The following TSPAN10 variants were observed in gnomAD, a reference collection of about 807,000 sequenced individuals.
TSPAN10 encodes the protein tetraspanin-10.
TSPAN10 carries 11 observed loss-of-function variants against 15.0 expected under a neutral mutation model. That is an observed-to-expected ratio of 0.73 (90% confidence interval 0.46 to 1.21). The LOEUF (loss-of-function observed/expected upper bound fraction) is 1.21. Among genes scored for constraint, TSPAN10 ranks in the 50% most tolerant of loss-of-function variants. The pLI, the probability that TSPAN10 is intolerant of heterozygous loss-of-function variation, is 0.00. For synonymous variants in TSPAN10, 241 were observed against 226.2 expected (o/e 1.07, Z -0.59); for missense variants, 486 against 470.6 (o/e 1.03, Z -0.30).
intron 2 of TSPAN10, chr17:81,647,659 C>T: frequency 3.1e-6 from 2 of 649,488 alleles, no homozygotes; most frequent in African/African-American, 3.6e-5. Flanking sequence ...CTAGTCAACA[C>T]AGCCACCACC....
At chr17:81,642,073 T>TG (rs1373732086), upstream of TSPAN10, among the ~76,000 whole-genome samples, 1 of 108,478 alleles carries the variant, frequency 9.2e-6, no homozygotes, top group Non-Finnish European at 1.7e-5. Flanking sequence ...GAAGTCCGCA[T>TG]GGGGGGCTGC....
chr17:81,645,426 C>T lies in TSPAN10; in HGVS notation c.471C>T (p.Ile157=). Reference sequence around the variant, plus strand: ...TGTTACGTGGCTTCTCTGGGGGCATCCTTGCCTTCCTGGTGCTTGAGGCCG... The same window carrying T: ...TGTTACGTGGCTTCTCTGGGGGCATTCTTGCCTTCCTGGTGCTTGAGGCCG... Residue 157 remains isoleucine, a synonymous_variant, in exon 2 of 3, where the codon ATC becomes ATT. Coordinates refer to ENST00000611590, the Ensembl canonical transcript of TSPAN10. 5 of 1,602,612 alleles carry T rather than the reference C, an allele frequency of 3.1e-6. No individual in the cohort carries two copies. In the South Asian group the frequency reaches 5.5e-5, roughly 18 times the overall value.
upstream of TSPAN10, among the ~76,000 whole-genome samples, chr17:81,639,689 T>C (rs544889310): frequency 1.3e-4 from 19 of 147,284 alleles, no homozygotes; most frequent in East Asian, 4.1e-4. Context: ...CGGTGGCTCA[T>C]GCCTGTCATC....
chr17:81,646,263 G>C (rs544238641), intron 2 of TSPAN10: 2 of 154,466 alleles, frequency 1.3e-5, no homozygotes, highest in South Asian at 4.0e-4. Context: ...ATGGTGGCAG[G>C]CACCTGTAAT....
intron 1 of TSPAN10, among the ~76,000 whole-genome samples, chr17:81,642,995 TTA>T (rs71968441): frequency 1.7e-3 from 249 of 143,092 alleles, no homozygotes; most frequent in South Asian, 2.8e-3. Flanking sequence ...CTACAAAATA[TTA>T]TATATATATA....
exon 1 of TSPAN10, chr17:81,637,213 A>C: frequency 2.1e-6 from 1 of 472,366 alleles, no homozygotes. Flanking sequence ...CCATCCCTGC[A>C]ACTGGAGGAG....
chr17:81,642,399 T>G (rs766208626), upstream of TSPAN10: 1 of 1,613,552 alleles, frequency 6.2e-7, no homozygotes, highest in Non-Finnish European at 8.5e-7. Context: ...GGGCTTTCTG[T>G]TCCAGCGTCA....
chr17:81,643,098 C>G (rs62075720), intron 1 of TSPAN10, among the ~76,000 whole-genome samples: 76,078 of 149,588 alleles, frequency 0.51, 21,180 homozygotes, highest in East Asian at 0.99. Context: ...TCCGCCTCCT[C>G]GGTTCAAGCA....
At chr17:81,639,558 G>T (rs1568177421), upstream of TSPAN10, among the ~76,000 whole-genome samples, 1 of 151,954 alleles carries the variant, frequency 6.6e-6, no homozygotes, top group Non-Finnish European at 1.5e-5. Context: ...CAAGGTGTCA[G>T]TAGACGTGGT....
chr17:81,637,433 G>A (rs1297703116), upstream of TSPAN10: 2 of 690,988 alleles, frequency 2.9e-6, no homozygotes, highest in Non-Finnish European at 5.2e-6. Flanking sequence ...TTTCAGGAAG[G>A]CAGGATCACA....
upstream of TSPAN10, among the ~76,000 whole-genome samples, chr17:81,641,238 C>T (rs1170811231): frequency 6.6e-6 from 1 of 152,132 alleles, no homozygotes; most frequent in East Asian, 1.9e-4. Context: ...GACCGTGACC[C>T]TGGCTGTGGA....
Position 81,644,988 on chromosome 17 carries a change from G to T in TSPAN10, c.37-4G>T, listed in dbSNP as rs1322682496. ...GTCTCACCCTGTTCCTCTTCCCTCT[G>T]CAGGAAACTGCAGGCCAGAAGCCCC... On this transcript the variant is annotated splice_region_variant and splice_polypyrimidine_tract_variant and intron_variant, in intron 1 of 2. Transcript: ENST00000611590. 3 of 1,609,962 alleles carry T rather than the reference G, an allele frequency of 1.9e-6. No individual in the cohort carries two copies. The highest frequency in any genetic ancestry group is 1.3e-5 in the African/African-American group (1 of 74,872).
exon 3 of TSPAN10, chr17:81,648,015 G>A (rs774564328): frequency 6.2e-7 from 1 of 1,608,096 alleles, no homozygotes; most frequent in South Asian, 1.1e-5. Flanking sequence ...TCGGGGTCCT[G>A]CGCCTGGATG....
upstream of TSPAN10, among the ~76,000 whole-genome samples, chr17:81,640,011 T>C (rs2036164094): frequency 1.3e-5 from 2 of 150,442 alleles, no homozygotes; most frequent in Non-Finnish European, 1.5e-5. Flanking sequence ...GACTGGGGTC[T>C]CACTCCCATC....
chr17:81,648,152 T>C, exon 3 of TSPAN10: 2 of 1,480,452 alleles, frequency 1.4e-6, no homozygotes, highest in South Asian at 1.3e-5. Context: ...GGCGCGGAGC[T>C]CCTGCTGGCC....
chr17:81,640,799 G>A (rs2036171289), upstream of TSPAN10, among the ~76,000 whole-genome samples: 1 of 152,120 alleles, frequency 6.6e-6, no homozygotes, highest in African/African-American at 2.4e-5. Flanking sequence ...AGGTCCGGGG[G>A]GCTAGAACTT....
At chr17:81,646,738 C>CTGA (rs1354151320) in intron 2 of TSPAN10, among the ~76,000 whole-genome samples, 2 of 151,566 alleles carry the variant, frequency 1.3e-5, no homozygotes, top group Admixed American at 6.6e-5. Context: ...ATTCTGGAAT[C>CTGA]TGACTCCACA....
chr17:81,644,926 A>G, intron 1 of TSPAN10, 66 bp from the exon 3 acceptor site: 1 of 1,590,610 alleles, frequency 6.3e-7, no homozygotes, highest in East Asian at 2.3e-5. Flanking sequence ...CTCTTCCCTG[A>G]CCCCTCACCA....
chr17:81,648,262 G>A, exon 3 of TSPAN10: 1 of 1,214,792 alleles, frequency 8.2e-7, no homozygotes. Flanking sequence ...CAGCCCCGGC[G>A]CCCCGCCCGC....
Sources: allele counts gnomAD v4.1 joint callset (sites outside exome capture counted in the v4.1 genomes callset), GRCh38; gene constraint gnomAD v4.1.1; transcripts MANE v1.5; gene names NCBI Gene and HGNC (gene_info 2026-07-23, HGNC 2026-07-21).